Variants in ACOXL observed in about 807,000 individuals in gnomAD.
The protein encoded by ACOXL is acyl-CoA oxidase like, also known as acyl-coenzyme A oxidase-like protein.
A neutral mutation model predicts 71.9 loss-of-function variants in ACOXL; 70 were observed. The ratio of observed to expected loss-of-function variants is 0.97; its 90% CI spans 0.80 to 1.19. The LOEUF is 1.19. Among genes scored for constraint, ACOXL ranks in the 50% most tolerant of loss-of-function variants. The pLI, the probability that ACOXL is intolerant of heterozygous loss-of-function variation, is 0.00. For synonymous variants in ACOXL, 253 were observed against 281.6 expected, an observed-to-expected ratio of 0.90 and a Z score of 1.02; for missense variants, 703 against 736.3, an observed-to-expected ratio of 0.95 and a Z score of 0.52.
At chr2:110,781,063 G>T (rs1041579091) in intron 2 of ACOXL, among the ~76,000 whole-genome samples, 1 of 152,160 alleles carries the variant, frequency 6.6e-6, no homozygotes, top group African/African-American at 2.4e-5. Flanking sequence ...AACAGTGGTT[G>T]CCTTTGAAGG....
chr2:110,855,949 T>G (rs150489986), intron 10 of ACOXL, among the ~76,000 whole-genome samples: 301 of 152,278 alleles, frequency 2.0e-3, no homozygotes, highest in Admixed American at 4.6e-3. Flanking sequence ...TTTATTCCCT[T>G]ATTTGACCTC....
rs149941843 is a variant in ACOXL at position 110,828,009 on chromosome 2, C to T, written c.754-13362C>T. On this transcript the variant is annotated intron_variant, in intron 9 of 17. Coordinates refer to ENST00000439055, the MANE Select transcript of ACOXL (RefSeq NM_001142807.4). ...TATTTGAGACAGAATCTTGCTCTGT[C>T]GCCCAGGCTGGAGTGCAGTGGCATG... Among the ~76,000 whole-genome samples, 78 of 152,260 alleles carry T rather than the reference C, an allele frequency of 5.1e-4. 1 individual carries two copies. In the East Asian group the frequency reaches 0.013, roughly 24 times the overall value.
At chr2:110,898,758 G>A (rs2059115673) in intron 10 of ACOXL, among the ~76,000 whole-genome samples, 1 of 152,096 alleles carries the variant, frequency 6.6e-6, no homozygotes. Flanking sequence ...GCAAGAAAAG[G>A]AAATGAAAAG....
chr2:111,037,139 G>A (rs1265336428), intron 15 of ACOXL, among the ~76,000 whole-genome samples: 2 of 152,180 alleles, frequency 1.3e-5, no homozygotes, highest in Non-Finnish European at 2.9e-5. Context: ...GTGCCCGTCG[G>A]TCTTCATGCT....
intron 15 of ACOXL, among the ~76,000 whole-genome samples, chr2:111,040,169 G>T (rs1401869980): frequency 6.6e-6 from 1 of 152,184 alleles, no homozygotes; most frequent in African/African-American, 2.4e-5. Flanking sequence ...AGGACCTGTG[G>T]CAGCTGTGAG....
intron 10 of ACOXL, among the ~76,000 whole-genome samples, chr2:110,869,853 T>C (rs1469589239): frequency 1.3e-5 from 2 of 152,232 alleles, no homozygotes; most frequent in Non-Finnish European, 2.9e-5. Flanking sequence ...CCTTCCTGTG[T>C]GAACCTAGCC....
At chr2:110,932,614 A>G (rs1310803112) in intron 11 of ACOXL, among the ~76,000 whole-genome samples, 7 of 152,200 alleles carry the variant, frequency 4.6e-5, no homozygotes, top group Non-Finnish European at 1.0e-4. Flanking sequence ...AGGGAAGTGG[A>G]ATTAAAAAGT....
chr2:111,053,574 C>T (rs1242906224), intron 16 of ACOXL, among the ~76,000 whole-genome samples: 1 of 152,200 alleles, frequency 6.6e-6, no homozygotes, highest in East Asian at 1.9e-4. Context: ...CTCCCTGTCC[C>T]CACTCCCACT....
chr2:110,972,408 CT>C (rs1358887496), intron 12 of ACOXL, among the ~76,000 whole-genome samples: 1 of 152,130 alleles, frequency 6.6e-6, no homozygotes, highest in Non-Finnish European at 1.5e-5. Context: ...CAGACACATA[CT>C]GGAAAAATGC....
At chr2:110,776,342 G>A (rs776942981) in intron 2 of ACOXL, among the ~76,000 whole-genome samples, 12 of 151,326 alleles carry the variant, frequency 7.9e-5, no homozygotes, top group Non-Finnish European at 1.5e-4. Flanking sequence ...GAGATGGATG[G>A]TGATGATGGT....
At chr2:110,939,905 T>C (rs2060806116) in intron 12 of ACOXL, among the ~76,000 whole-genome samples, 1 of 152,226 alleles carries the variant, frequency 6.6e-6, no homozygotes, top group African/African-American at 2.4e-5. Flanking sequence ...ACCCCTAATG[T>C]AAATGATGAT....
chr2:111,058,220 C>G (rs1353276841), intron 16 of ACOXL, among the ~76,000 whole-genome samples: 4 of 152,200 alleles, frequency 2.6e-5, no homozygotes, highest in African/African-American at 9.7e-5. Context: ...CAAGACTTAT[C>G]ATTTCACCAT....
intron 10 of ACOXL, among the ~76,000 whole-genome samples, chr2:110,904,172 CT>C (rs5833376): frequency 0.33 from 50,331 of 151,910 alleles, 8,520 homozygotes; most frequent in Middle Eastern, 0.39. Flanking sequence ...GTGGTGCCTA[CT>C]CTTCTGCCCA....
At chr2:111,108,482 G>A (rs932670888) in intron 17 of ACOXL, among the ~76,000 whole-genome samples, 2 of 143,420 alleles carry the variant, frequency 1.4e-5, no homozygotes, top group South Asian at 2.2e-4. Flanking sequence ...AGGTTCAAGC[G>A]ATTCTCCTGC....
At chr2:110,796,656 G>A (rs1685320435) in intron 5 of ACOXL, among the ~76,000 whole-genome samples, 1 of 152,094 alleles carries the variant, frequency 6.6e-6, no homozygotes. Context: ...CACCCACATG[G>A]GTTGTATTTT....
At chr2:111,059,866 G>C (rs1369908767) in intron 16 of ACOXL, among the ~76,000 whole-genome samples, 2 of 151,572 alleles carry the variant, frequency 1.3e-5, no homozygotes, top group African/African-American at 2.4e-5. Flanking sequence ...GGAGGTAAAT[G>C]AGGAGGAGGA....
At chr2:110,886,711 CT>C in intron 10 of ACOXL, 1 of 1,543,488 alleles carries the variant, frequency 6.5e-7, no homozygotes, top group East Asian at 2.4e-5. Flanking sequence ...AAGTTTCACC[CT>C]TTGACTGGAG....
intron 16 of ACOXL, among the ~76,000 whole-genome samples, chr2:111,087,580 A>T (rs1361720047): frequency 6.6e-6 from 1 of 152,218 alleles, no homozygotes; most frequent in Non-Finnish European, 1.5e-5. Context: ...TATTCAATAA[A>T]TGGTGCTGGG....
chr2:110,979,104 C>CT (rs2062590301), intron 12 of ACOXL, among the ~76,000 whole-genome samples: 1 of 146,348 alleles, frequency 6.8e-6, no homozygotes, highest in Admixed American at 7.0e-5. Context: ...GAACAACAGC[C>CT]GGCCCTGCGC....
Sources: gnomAD v4.1 joint callset for allele counts (sites outside exome capture counted in the v4.1 genomes callset) on GRCh38, gnomAD v4.1.1 for gene constraint, MANE v1.5 for transcripts, NCBI Gene and HGNC (gene_info 2026-07-23, HGNC 2026-07-21) for gene names.